The following LOXHD1 variants were observed in gnomAD, a reference collection of about 807,000 sequenced individuals.
The protein encoded by LOXHD1 is lipoxygenase homology domain-containing protein 1.
In LOXHD1, 205 loss-of-function variants were observed where a neutral mutation model predicts 248.2. The observed-to-expected ratio is 0.83, with a 90% CI of 0.74 to 0.93. The LOEUF (loss-of-function observed/expected upper bound fraction) is 0.93. Ranked by LOEUF, LOXHD1 falls within the 40% of genes least tolerant of loss-of-function variation. LOXHD1 has a pLI of 0.00. For missense variants in LOXHD1, 2,930 were observed against 2,971.6 expected, an observed-to-expected ratio of 0.99 and a Z score of 0.33; for synonymous variants, 1,113 against 1,162.8, an observed-to-expected ratio of 0.96 and a Z score of 0.87.
chr18:46,633,412 A>G (rs925542859), intron 4 of LOXHD1, among the ~76,000 whole-genome samples: 1 of 152,234 alleles, frequency 6.6e-6, no homozygotes, highest in African/African-American at 2.4e-5. Flanking sequence ...GGGAAAACTG[A>G]ATATCCACTG....
chr18:46,489,246 T>A lies in LOXHD1; in HGVS notation c.5879-104A>T, dbSNP rs532595952. 158 of 1,235,798 alleles carry A rather than the reference T, an allele frequency of 1.3e-4. 1 individual carries two copies. In the African/African-American group the frequency reaches 2.2e-3, roughly 17 times the overall value. 76.6% of individuals were successfully genotyped at this position (1,235,798 alleles called of 1,614,324 possible). Reference sequence around the variant, plus strand: ...ATTGGCTGTGTGGCCCTGGACAAGTTATCTGTCCTCTTTGGGCCTTGATCT... The same window carrying A: ...ATTGGCTGTGTGGCCCTGGACAAGTAATCTGTCCTCTTTGGGCCTTGATCT... On this transcript the variant is annotated intron_variant, in intron 37 of 40. Coordinates refer to ENST00000642948, the MANE Select transcript of LOXHD1 (RefSeq NM_001384474.1).
chr18:46,580,892 G>A (rs543489821), intron 12 of LOXHD1, among the ~76,000 whole-genome samples: 1 of 152,328 alleles, frequency 6.6e-6, no homozygotes, highest in Admixed American at 6.5e-5. Flanking sequence ...GGAGCAGAGA[G>A]AAGGCCAATA....
chr18:46,572,063 A>G, intron 15 of LOXHD1, 23 bp downstream of exon 15: 3 of 1,549,032 alleles, frequency 1.9e-6, no homozygotes, highest in Non-Finnish European at 2.6e-6. Flanking sequence ...CACACCCAGC[A>G]CCTGGTCATC....
At chr18:46,602,952 T>TCTG (rs1276415270) in intron 7 of LOXHD1, among the ~76,000 whole-genome samples, 1 of 152,184 alleles carries the variant, frequency 6.6e-6, no homozygotes, top group Admixed American at 6.5e-5. Flanking sequence ...CAGTATATAT[T>TCTG]AATTCTATTC....
chr18:46,504,304 C>T (rs2034425351), intron 37 of LOXHD1, among the ~76,000 whole-genome samples: 1 of 152,062 alleles, frequency 6.6e-6, no homozygotes, highest in Non-Finnish European at 1.5e-5. Context: ...TGGAGTTTCG[C>T]CATGTTGCCC....
At chr18:46,535,224 T>C (rs1292409318) in intron 26 of LOXHD1, among the ~76,000 whole-genome samples, 2 of 152,078 alleles carry the variant, frequency 1.3e-5, no homozygotes, top group African/African-American at 2.4e-5. Context: ...TTGCTCTGCA[T>C]TGTATCCCAA....
At chr18:46,557,985 G>A (rs1024451398) in intron 20 of LOXHD1, 1 of 1,020,034 alleles carries the variant, frequency 9.8e-7, no homozygotes, top group Non-Finnish European at 1.2e-6. Context: ...TGTGAAGAGG[G>A]CCATATGGAT....
intron 40 of LOXHD1, among the ~76,000 whole-genome samples, chr18:46,479,074 G>A (rs1242851928): frequency 1.3e-5 from 2 of 151,956 alleles, no homozygotes; most frequent in African/African-American, 2.4e-5. Flanking sequence ...TCCCTTAAAG[G>A]GACTGGTTAA....
At chr18:46,513,024 G>A (rs756981696) in intron 34 of LOXHD1, among the ~76,000 whole-genome samples, 19 of 152,094 alleles carry the variant, frequency 1.2e-4, no homozygotes, top group Non-Finnish European at 2.1e-4. Context: ...AAATCCAGGT[G>A]ATATGAAAGC....
intron 13 of LOXHD1, among the ~76,000 whole-genome samples, chr18:46,578,970 C>T (rs1014041441): frequency 2.3e-4 from 35 of 152,246 alleles, no homozygotes; most frequent in Admixed American, 2.2e-3. Context: ...TCCACAGCCT[C>T]CTCCCCAGAA....
chr18:46,531,501 C>T (rs1217898413), intron 28 of LOXHD1, among the ~76,000 whole-genome samples: 1 of 152,164 alleles, frequency 6.6e-6, no homozygotes, highest in African/African-American at 2.4e-5. Flanking sequence ...TATAGGGACA[C>T]CTTTTCTAGG....
intron 15 of LOXHD1, among the ~76,000 whole-genome samples, chr18:46,571,390 A>C (rs1276157115): frequency 1.3e-5 from 2 of 152,200 alleles, no homozygotes. Context: ...GGATCACCTG[A>C]GCCTAGGAGG....
intron 11 of LOXHD1, 24 bp from the exon 12 acceptor site, chr18:46,592,092 C>A: frequency 6.4e-7 from 1 of 1,552,162 alleles, no homozygotes; most frequent in Non-Finnish European, 8.7e-7. Context: ...CTGGGGTGAG[C>A]AAGTTGGTGC....
At chr18:46,519,024 C>T (rs2035425356) in intron 33 of LOXHD1, 2 of 985,412 alleles carry the variant, frequency 2.0e-6, no homozygotes, top group Non-Finnish European at 2.4e-6. Flanking sequence ...GGGTGAGGCG[C>T]AGCCTGCTCT....
chr18:46,578,072 T>G (rs545962176), intron 13 of LOXHD1, among the ~76,000 whole-genome samples: 8 of 152,312 alleles, frequency 5.3e-5, no homozygotes, highest in African/African-American at 1.9e-4. Flanking sequence ...CAATGTCAAG[T>G]TTCCAGCTCT....
intron 37 of LOXHD1, among the ~76,000 whole-genome samples, chr18:46,497,785 C>T (rs1432819093): frequency 6.6e-6 from 1 of 152,152 alleles, no homozygotes; most frequent in African/African-American, 2.4e-5. Context: ...CATGTAGTTA[C>T]AAATATGTCG....
At chr18:46,638,167 T>C (rs1407029300) in intron 4 of LOXHD1, among the ~76,000 whole-genome samples, 2 of 152,166 alleles carry the variant, frequency 1.3e-5, no homozygotes, top group African/African-American at 2.4e-5. Context: ...ATTTAAACTA[T>C]ATATGCATAA....
chr18:46,557,424 G>A lies in LOXHD1; in HGVS notation c.3282C>T (p.Asp1094=), dbSNP rs1431897813. Residue 1094 remains aspartate, a synonymous_variant, in exon 21 of 41, where the codon GAC becomes GAT. Transcript: ENST00000642948. ...GALTKIRIRH[D]NTGNRAGWFL... is the part of the protein sequence containing the mutation. Reference sequence around the variant, plus strand: ...ACCAGCCTGCTCTGTTGCCTGTGTTGTCGTGGCGAATCCGAATCTTGGTCA... The same window carrying A: ...ACCAGCCTGCTCTGTTGCCTGTGTTATCGTGGCGAATCCGAATCTTGGTCA... 5.2e-6 allele frequency: 8 copies of A among 1,552,244 alleles called. No individual in the cohort carries two copies. The East Asian group carries it at 1.2e-4, about 24-fold the overall frequency.
chr18:46,485,041 A>G lies in LOXHD1; in HGVS notation c.6160T>C (p.Ser2054Pro). The G allele has an allele frequency of 6.4e-7, 1 of 1,550,874 alleles. No homozygotes were observed. Reference protein sequence around the residue: ...RSKEFLMENSSRQRAFRKGTT... With the variant: ...RSKEFLMENSPRQRAFRKGTT... ...TACTTCCTAAAGGCCCGCTGCCTAG[A>G]AGAATTTTCCATGAGAAACTCTTTG... The change falls in exon 39 of 41, where the codon TCT becomes CCT. Residue 2054 changes from serine to proline, a missense_variant. Coordinates refer to ENST00000642948, the MANE Select transcript of LOXHD1 (RefSeq NM_001384474.1).
Sources: gnomAD v4.1 joint callset for allele counts (sites outside exome capture counted in the v4.1 genomes callset) on GRCh38, gnomAD v4.1.1 for gene constraint, MANE v1.5 for transcripts, NCBI Gene and HGNC (gene_info 2026-07-23, HGNC 2026-07-21) for gene names.